ZBTB7C: variants seen among roughly 807,000 people sequenced by gnomAD.
The protein encoded by ZBTB7C is zinc finger and BTB domain-containing protein 7C.
ZBTB7C carries 8 observed loss-of-function variants against 25.7 expected under a neutral mutation model. The observed-to-expected ratio is 0.31, with a 90% CI of 0.18 to 0.56. ZBTB7C has a LOEUF of 0.56. Ranked by LOEUF, ZBTB7C falls within the 20% of genes least tolerant of loss-of-function variation. The probability of loss-of-function intolerance (pLI) is 0.91; values close to 1 mark genes in which losing one functional copy is unlikely to be tolerated. For synonymous variants in ZBTB7C, 394 were observed against 369.0 expected (o/e 1.07, Z -0.78); for missense variants, 824 against 855.2 (o/e 0.96, Z 0.46).
At chr18:48,356,310 G>A (rs1036276914) in intron 1 of ZBTB7C, among the ~76,000 whole-genome samples, 1 of 152,166 alleles carries the variant, frequency 6.6e-6, no homozygotes, top group Non-Finnish European at 1.5e-5. Flanking sequence ...AAGGTTGCCA[G>A]CCAACAGCGC....
chr18:48,274,773 T>C (rs1425073405), intron 2 of ZBTB7C, among the ~76,000 whole-genome samples: 2 of 152,198 alleles, frequency 1.3e-5, no homozygotes, highest in Non-Finnish European at 2.9e-5. Flanking sequence ...TCTCCCACAG[T>C]CATTGAATCT....
At chr18:48,316,830 G>T (rs2045959033) in intron 2 of ZBTB7C, among the ~76,000 whole-genome samples, 1 of 152,208 alleles carries the variant, frequency 6.6e-6, no homozygotes, top group Non-Finnish European at 1.5e-5. Context: ...GCAATGAAGA[G>T]ACCTCGTTCT....
chr18:48,067,970 C>T (rs888045522), intron 3 of ZBTB7C, among the ~76,000 whole-genome samples: 2 of 152,030 alleles, frequency 1.3e-5, no homozygotes, highest in Non-Finnish European at 2.9e-5. Flanking sequence ...CATTGCACTC[C>T]GGCCTGGGCA....
At chr18:48,278,474 C>T (rs2144618993) in intron 2 of ZBTB7C, among the ~76,000 whole-genome samples, 1 of 151,518 alleles carries the variant, frequency 6.6e-6, no homozygotes, top group South Asian at 2.1e-4. Flanking sequence ...CTTGCCCTGT[C>T]ATCCAGGCTG....
chr18:48,264,787 C>T (rs2044264475), intron 2 of ZBTB7C, among the ~76,000 whole-genome samples: 1 of 152,162 alleles, frequency 6.6e-6, no homozygotes, highest in African/African-American at 2.4e-5. Flanking sequence ...TGGGAGTCAG[C>T]CAAAAGGGCA....
intron 3 of ZBTB7C, among the ~76,000 whole-genome samples, chr18:48,067,357 A>G (rs1445852264): frequency 6.6e-6 from 1 of 152,156 alleles, no homozygotes; most frequent in African/African-American, 2.4e-5. Context: ...TACTTCCCTT[A>G]TTTGTAAAAT....
intron 3 of ZBTB7C, among the ~76,000 whole-genome samples, chr18:48,098,974 G>A (rs748684895): frequency 3.3e-5 from 5 of 152,284 alleles, no homozygotes; most frequent in Middle Eastern, 6.8e-3. Context: ...TTTGCTGAGC[G>A]GAGGCAGTGG....
intron 3 of ZBTB7C, among the ~76,000 whole-genome samples, chr18:48,182,775 C>T (rs2041960533): frequency 6.6e-6 from 1 of 152,170 alleles, no homozygotes; most frequent in South Asian, 2.1e-4. Flanking sequence ...AATCTAAATG[C>T]ACTTTGGAAA....
At chr18:48,043,258 A>C (rs2036331783) in intron 3 of ZBTB7C, among the ~76,000 whole-genome samples, 1 of 152,204 alleles carries the variant, frequency 6.6e-6, no homozygotes, top group Non-Finnish European at 1.5e-5. Flanking sequence ...GAGAAATGAA[A>C]TCTTATGTCC....
At chr18:48,248,187 G>T (rs565437225) in intron 2 of ZBTB7C, among the ~76,000 whole-genome samples, 43 of 152,050 alleles carry the variant, frequency 2.8e-4, no homozygotes, top group Non-Finnish European at 4.9e-4. Flanking sequence ...CCAGTCTCAG[G>T]TATGTCTTTA....
At chr18:48,231,901 C>T (rs1187030356) in intron 2 of ZBTB7C, among the ~76,000 whole-genome samples, 1 of 152,210 alleles carries the variant, frequency 6.6e-6, no homozygotes, top group African/African-American at 2.4e-5. Context: ...CTGGTCCCGG[C>T]ACAGCCTTGC....
chr18:48,088,485 T>G (rs2038279419), intron 3 of ZBTB7C: 1 of 152,062 alleles, frequency 6.6e-6, no homozygotes, highest in South Asian at 2.1e-4. Context: ...ATATAGACAA[T>G]GCGCTCAGCC....
intron 2 of ZBTB7C, among the ~76,000 whole-genome samples, chr18:48,279,570 T>C (rs1187480014): frequency 6.6e-6 from 1 of 152,216 alleles, no homozygotes; most frequent in Non-Finnish European, 1.5e-5. Flanking sequence ...TGTCTTCTGA[T>C]ATTAGCACAG....
intron 3 of ZBTB7C, among the ~76,000 whole-genome samples, chr18:48,093,756 A>T (rs28434102): frequency 0.2 from 30,962 of 152,204 alleles, 3,256 homozygotes; most frequent in Admixed American, 0.25. Context: ...TAAAATTTTT[A>T]AAAGATTAAT....
intron 3 of ZBTB7C, among the ~76,000 whole-genome samples, chr18:48,112,391 G>C (rs1398663769): frequency 6.8e-6 from 1 of 147,762 alleles, no homozygotes; most frequent in African/African-American, 2.5e-5. Flanking sequence ...CTGTCGCCCA[G>C]GACGGAGTAC....
Position 48,300,862 on chromosome 18 carries a change from G to A in ZBTB7C, c.-79+37312C>T, listed in dbSNP as rs558745640. Among the ~76,000 whole-genome samples, 269 of 152,388 alleles carry A rather than the reference G, an allele frequency of 1.8e-3. 1 individual carries two copies. The highest frequency in any genetic ancestry group is 5.5e-3 in the African/African-American group (230 of 41,598). ...AGAGTGCATCAGAAGCCCATAGGAC[G>A]GCTTCGCTGCAAAGCAAAGGCCTTC... On this transcript the variant is annotated intron_variant, in intron 2 of 4. Coordinates refer to ENST00000590800, the MANE Select transcript of ZBTB7C (RefSeq NM_001318841.2).
chr18:48,285,551 T>A (rs1197760898), intron 2 of ZBTB7C, among the ~76,000 whole-genome samples: 3 of 152,232 alleles, frequency 2.0e-5, no homozygotes, highest in Non-Finnish European at 4.4e-5. Context: ...GAGGTCTCCC[T>A]ATGTTGATCA....
At position 48,125,016 on chromosome 18, in the gene ZBTB7C, A is replaced by G. The variant is rs1263927854; in HGVS notation, c.-17+60918T>C. On this transcript the variant is annotated intron_variant, in intron 3 of 4. Coordinates refer to ENST00000590800, the MANE Select transcript of ZBTB7C (RefSeq NM_001318841.2). ...AACGCCACGGTCACAGGCAGAATGC[A>G]GGGGCCACTGGGAAGCAGGGGAGGG... is the stretch of plus-strand genomic sequence containing the variant. Among the ~76,000 whole-genome samples, 4 of 152,222 alleles carry G rather than the reference A, an allele frequency of 2.6e-5. No homozygotes were observed. The East Asian group carries it at 7.7e-4, about 29-fold the overall frequency.
chr18:48,189,781 A>G (rs11874839), intron 2 of ZBTB7C, among the ~76,000 whole-genome samples: 29,331 of 152,150 alleles, frequency 0.19, 2,940 homozygotes, highest in Middle Eastern at 0.25. Context: ...TCATTAGATC[A>G]TTAAGGAATA....
Sources: gnomAD v4.1 joint callset for allele counts (sites outside exome capture counted in the v4.1 genomes callset) on GRCh38, gnomAD v4.1.1 for gene constraint, MANE v1.5 for transcripts, NCBI Gene and HGNC (gene_info 2026-07-23, HGNC 2026-07-21) for gene names.